The following IRAK3 variants were observed in gnomAD, a reference collection of about 807,000 sequenced individuals.
IRAK3 encodes interleukin 1 receptor associated kinase 3.
Under a neutral mutation model 56.6 loss-of-function variants are expected in IRAK3, and 57 were observed. The observed-to-expected ratio is 1.01, with a 90% CI of 0.81 to 1.26. The LOEUF is 1.26. Among genes scored for constraint, IRAK3 ranks in the 50% most tolerant of loss-of-function variants. IRAK3 has a pLI of 0.00. For synonymous variants in IRAK3, 258 were observed against 255.7 expected, an observed-to-expected ratio of 1.01 and a Z score of -0.09; for missense variants, 703 against 719.0, an observed-to-expected ratio of 0.98 and a Z score of 0.25.
intron 2 of IRAK3, among the ~76,000 whole-genome samples, chr12:66,207,669 T>G: frequency 6.6e-6 from 1 of 152,328 alleles, no homozygotes; most frequent in Admixed American, 6.5e-5. Context: ...GCTATAAATT[T>G]CCCTCTAAGC....
rs1040230341 is a variant in IRAK3 at position 66,189,361 on chromosome 12, C to A, written c.62C>A (p.Pro21Gln). The A allele has an allele frequency of 3.9e-6, 6 of 1,530,810 alleles. No individual in the cohort carries two copies. Among genetic ancestry groups the A allele is most frequent in the Non-Finnish European group, 5.2e-6 (6 of 1,144,900 alleles). 94.8% of individuals were successfully genotyped at this position (1,530,810 alleles called of 1,614,324 possible). A position where few individuals can be genotyped will look rare whatever the true frequency, so the allele number is the denominator to read the frequency against. Reference sequence around the variant, plus strand: ...GCGCACACGCTGCTGTTCGACCTGCCGCCCGCGCTGCTCGGAGAGCTCTGC... The same window carrying A: ...GCGCACACGCTGCTGTTCGACCTGCAGCCCGCGCTGCTCGGAGAGCTCTGC... ...LSAHTLLFDL[P>Q]PALLGELCAV... is the part of the protein sequence containing the mutation. The change falls in exon 1 of 12, where the codon CCG becomes CAG. Residue 21 changes from proline (P) to glutamine (Q), a missense_variant. By Grantham distance (76) the Pro-to-Gln change is moderately conservative. Transcript: ENST00000261233.
rs996825339 is a variant in IRAK3, at chr12:66,226,714, T to G, written c.654-9T>G. ...AATTTGATGGCTTTAAAACATCTTT[T>G]GTTTCAAGGTTTCATCACCCAAACA... On this transcript the variant is annotated splice_polypyrimidine_tract_variant and intron_variant, in intron 6 of 11. Transcript: ENST00000261233. 2.0e-6 allele frequency: 3 copies of G among 1,499,874 alleles called. No individual in the cohort carries two copies. The Middle Eastern group carries it at 5.1e-4, about 257-fold the overall frequency. 92.9% of individuals were successfully genotyped at this position (1,499,874 alleles called of 1,614,324 possible).
intron 8 of IRAK3, among the ~76,000 whole-genome samples, chr12:66,241,581 G>A (rs2052970419): frequency 6.6e-6 from 1 of 152,172 alleles, no homozygotes; most frequent in Non-Finnish European, 1.5e-5. Flanking sequence ...TGCAATTTCC[G>A]CTTTCCTAAA....
chr12:66,222,961 G>A (rs1201536784), intron 6 of IRAK3, among the ~76,000 whole-genome samples: 1 of 151,974 alleles, frequency 6.6e-6, no homozygotes, highest in Non-Finnish European at 1.5e-5. Context: ...AGATAGGGGT[G>A]GAGCCGTTTT....
intron 6 of IRAK3, among the ~76,000 whole-genome samples, chr12:66,222,257 C>A (rs984763391): frequency 1.5e-4 from 23 of 152,076 alleles, no homozygotes; most frequent in Non-Finnish European, 1.5e-4. Flanking sequence ...AGTATTAATT[C>A]TTCTTTAAAT....
chr12:66,215,261 A>G (rs1422512195), intron 5 of IRAK3, among the ~76,000 whole-genome samples: 1 of 152,048 alleles, frequency 6.6e-6, no homozygotes, highest in Non-Finnish European at 1.5e-5. Flanking sequence ...CGTCCAGTCT[A>G]CTTTCCTACT....
intron 8 of IRAK3, among the ~76,000 whole-genome samples, chr12:66,235,616 C>T (rs1196985898): frequency 4.0e-5 from 6 of 150,898 alleles, no homozygotes; most frequent in African/African-American, 1.5e-4. Flanking sequence ...AGCGCCGCCG[C>T]GTCCTCCGAT....
chr12:66,246,250 T>C (rs986719492), intron 11 of IRAK3, among the ~76,000 whole-genome samples: 2 of 152,132 alleles, frequency 1.3e-5, no homozygotes, highest in Non-Finnish European at 2.9e-5. Context: ...AATGAATACC[T>C]GCAAAGGCTC....
rs756262514 is a variant in IRAK3 at position 66,226,728 on chromosome 12, A to G, written c.659A>G (p.His220Arg). The stretch of plus-strand genomic sequence containing the variant: ...AAAACATCTTTTGTTTCAAGGTTTC[A>G]TCACCCAAACATACTAGAGTTGGCT... ...LSELEVLLLF[H>R]HPNILELAAY... The change falls in exon 7 of 12, where the codon CAT (histidine) becomes CGT (arginine). Residue 220 changes from histidine to arginine, a missense_variant. Transcript: ENST00000261233. 2 of 1,583,916 alleles carry G rather than the reference A, an allele frequency of 1.3e-6. No individual in the cohort carries two copies. Among genetic ancestry groups the G allele is most frequent in the East Asian group, 2.2e-5 (1 of 44,750 alleles).
chr12:66,245,179 C>A lies in IRAK3; in HGVS notation c.1231C>A (p.Pro411Thr), dbSNP rs2053016051. The A allele has an allele frequency of 3.1e-6, 5 of 1,614,106 alleles. No homozygotes were observed. The highest frequency in any genetic ancestry group is 4.2e-6 in the Non-Finnish European group (5 of 1,180,014). Residue 411 changes from proline (P) to threonine (T), a missense_variant, in exon 11 of 12, where the codon CCT becomes ACT. Coordinates refer to ENST00000261233, the MANE Select transcript of IRAK3 (RefSeq NM_007199.3). ...SFLDKKVPPC[P>T]RNFSAKLFCL... ...TCTAGATAAGAAAGTGCCTCCCTGC[C>A]CTCGGAATTTCTCTGCCAAGCTCTT...
intron 6 of IRAK3, among the ~76,000 whole-genome samples, chr12:66,218,592 T>A (rs2052700532): frequency 1.3e-5 from 2 of 152,196 alleles, no homozygotes; most frequent in African/African-American, 4.8e-5. Flanking sequence ...TTTTCGCCAA[T>A]CTGATAGGTG....
chr12:66,251,935 A>C lies in IRAK3; in HGVS notation c.*3764A>C, dbSNP rs1179731625. On this transcript the variant is annotated 3_prime_UTR_variant, in exon 12 of 12. Transcript: ENST00000261233. ...AATGCTGAAAGGGTGAGAAGAAGGAATAGATTACTATGCATTTTTGAGAGG... is the reference window on the plus strand; with the variant it reads ...AATGCTGAAAGGGTGAGAAGAAGGACTAGATTACTATGCATTTTTGAGAGG... 6.6e-6 allele frequency: 1 copy of C among 152,206 alleles called. No individual in the cohort carries two copies. Among genetic ancestry groups the C allele is most frequent in the Non-Finnish European group, 1.5e-5 (1 of 68,044 alleles). The allele number at this position is 152,206 out of a possible 1,614,324, so 9.4% of individuals were successfully genotyped here. A position where few individuals can be genotyped will look rare whatever the true frequency, so the allele number is the denominator to read the frequency against.
chr12:66,215,786 G>GCACGTGCACGTGCGCGCGCGCGCGCACA (rs368883846), intron 5 of IRAK3, among the ~76,000 whole-genome samples: 65 of 122,904 alleles, frequency 5.3e-4, no homozygotes, highest in Non-Finnish European at 9.4e-4. Context: ...AACCCAACAT[G>GCACGTGCACGTGCGCGCGCGCGCGCACA]CACACACACA....
At position 66,245,220 on chromosome 12, in the gene IRAK3, G is replaced by C; in HGVS notation, c.1272G>C (p.Arg424=). The C allele has an allele frequency of 2.5e-6, 4 of 1,614,170 alleles. No individual in the cohort carries two copies. Among genetic ancestry groups the C allele is most frequent in the Non-Finnish European group, 3.4e-6 (4 of 1,180,040 alleles). The change falls in exon 11 of 12, where the codon CGG becomes CGC. Residue 424 remains arginine, a synonymous_variant. Coordinates refer to ENST00000261233, the MANE Select transcript of IRAK3 (RefSeq NM_007199.3). ...FSAKLFCLAG[R]CAATRAKLRP... ...CCAAGCTCTTCTGTTTGGCAGGCCG[G>C]TGTGCTGCAACGCGGGCAAAGTTAA...
At chr12:66,223,667 A>G (rs925492262) in intron 6 of IRAK3, among the ~76,000 whole-genome samples, 3 of 151,782 alleles carry the variant, frequency 2.0e-5, no homozygotes, top group African/African-American at 7.3e-5. Flanking sequence ...TCAAAAAAAA[A>G]AAAAGTTATC....
intron 2 of IRAK3, among the ~76,000 whole-genome samples, chr12:66,205,863 C>A (rs1480260044): frequency 6.6e-6 from 1 of 152,124 alleles, no homozygotes; most frequent in Non-Finnish European, 1.5e-5. Context: ...GCCTACAATT[C>A]AGGTTGCTGC....
rs958349689 is a variant in IRAK3 at position 66,196,785 on chromosome 12, A to C, written c.134-6926A>C. ...TTTTGTTTTACTCTTTTGGAATTAA[A>C]AATGTCTTTAACCTTAAAAGTTCTT... On this transcript the variant is annotated intron_variant, in intron 1 of 11. Transcript: ENST00000261233. 3 of 1,280,860 alleles carry C rather than the reference A, an allele frequency of 2.3e-6. No individual in the cohort carries two copies. The African/African-American group carries it at 4.6e-5, about 19-fold the overall frequency. The allele number at this position is 1,280,860 out of a possible 1,614,324, so 79.3% of individuals were successfully genotyped here.
Position 66,245,274 on chromosome 12 carries a change from C to T in IRAK3, c.1314+12C>T, listed in dbSNP as rs780702679. 6 of 1,613,414 alleles carry T rather than the reference C, an allele frequency of 3.7e-6. No individual in the cohort carries two copies. Among genetic ancestry groups the T allele is most frequent in the Non-Finnish European group, 5.1e-6 (6 of 1,179,550 alleles). On this transcript the variant is annotated intron_variant, in intron 11 of 11. Transcript: ENST00000261233. ...CATCAATGGATGAAGTGAGTATATA[C>T]ATGGTTTTATTCAAAACTGAGCCCA... is the stretch of plus-strand genomic sequence containing the variant.
rs59511601 is a variant in IRAK3, at chr12:66,204,778, GCACACACACACACA to G, written c.316+914_316+927del. 4.2e-4 allele frequency among the ~76,000 whole-genome samples: 62 copies of G among 147,922 alleles called. No homozygotes were observed. The South Asian group carries it at 5.9e-3, about 14-fold the overall frequency. On this transcript the variant is annotated intron_variant, in intron 2 of 11. Transcript: ENST00000261233. ...ATATTTAGTGCGCATGAGCCCTTGC[GCACACACACACACA>G]CACACACACACACACACACACACAC... is the stretch of plus-strand genomic sequence containing the variant.
Sources: gnomAD v4.1 joint callset for allele counts (sites outside exome capture counted in the v4.1 genomes callset) on GRCh38, gnomAD v4.1.1 for gene constraint, MANE v1.5 for transcripts, NCBI Gene and HGNC (gene_info 2026-07-23, HGNC 2026-07-21) for gene names.